Variants in C16orf87 observed in about 807,000 individuals in gnomAD.
C16orf87 encodes the protein UPF0547 protein C16orf87.
In C16orf87, 13 loss-of-function variants were observed where a neutral mutation model predicts 21.0. That is an observed-to-expected ratio of 0.62 (90% confidence interval 0.40 to 0.98). The LOEUF (loss-of-function observed/expected upper bound fraction) is 0.98, where lower values mean the gene tolerates loss of function less well. Ranked by LOEUF, C16orf87 falls within the 50% of genes least tolerant of loss-of-function variation. The pLI is 0.00. For synonymous variants in C16orf87, 49 were observed against 60.2 expected (o/e 0.81, Z 0.86); for missense variants, 113 against 180.4 (o/e 0.63, Z 2.14).
intron 3 of C16orf87, among the ~76,000 whole-genome samples, chr16:46,807,305 G>C (rs1482923093): frequency 6.6e-6 from 1 of 151,924 alleles, no homozygotes; most frequent in East Asian, 1.9e-4. Flanking sequence ...GCCTGGTGTG[G>C]TGGCATGCAC....
At chr16:46,808,254 T>C (rs534926232) in intron 3 of C16orf87, 5 of 368,870 alleles carry the variant, frequency 1.4e-5, no homozygotes, top group South Asian at 1.1e-4. Flanking sequence ...ACAGCCTTCC[T>C]AGAATACAGT....
chr16:46,814,190 A>G (rs1030099794), intron 2 of C16orf87, among the ~76,000 whole-genome samples: 8 of 152,220 alleles, frequency 5.3e-5, no homozygotes, highest in African/African-American at 2.4e-5. Context: ...AATAAACTAC[A>G]ATCCAAAAAT....
rs1447177787 is a variant in C16orf87, at chr16:46,802,860, A to T, written c.*92T>A. On this transcript the variant is annotated 3_prime_UTR_variant, in exon 4 of 4. Coordinates refer to ENST00000285697, the MANE Select transcript of C16orf87 (RefSeq NM_001001436.4). ...AAGAAACAATCGATGGCCCTTATTG[A>T]TGCAGTCAGAATGCTCCTGAGAGTC... is the stretch of plus-strand genomic sequence containing the variant. The T allele has an allele frequency of 7.2e-6, 5 of 698,816 alleles. No homozygotes were observed. The Admixed American group carries it at 1.1e-4, about 16-fold the overall frequency. The allele number at this position is 698,816 out of a possible 1,614,324, so 43.3% of individuals were successfully genotyped here.
At chr16:46,808,006 T>C (rs549276719) in intron 3 of C16orf87, 8 of 455,868 alleles carry the variant, frequency 1.8e-5, no homozygotes, top group Non-Finnish European at 3.1e-5. Context: ...GCATTCCCTC[T>C]ATTTCAACTG....
chr16:46,822,273 G>C (rs1959445148), intron 2 of C16orf87, among the ~76,000 whole-genome samples: 1 of 151,944 alleles, frequency 6.6e-6, no homozygotes, highest in Admixed American at 6.6e-5. Context: ...TGAATCACTG[G>C]TACATAAAAG....
At position 46,800,892 on chromosome 16, in the gene C16orf87, T is replaced by G. The variant is rs533594202; in HGVS notation, c.*2060A>C. On this transcript the variant is annotated 3_prime_UTR_variant, in exon 4 of 4. Transcript: ENST00000285697. ...TAAATAAGCCAATAATTTAACATTA[T>G]GAGATCTGAAGTAATTACTTTTCTA... The G allele has an allele frequency of 6.6e-6, 1 of 152,292 alleles. No homozygotes were observed. The highest frequency in any genetic ancestry group is 2.1e-4 in the South Asian group (1 of 4,824). The allele number at this position is 152,292 out of a possible 1,614,324, so 9.4% of individuals were successfully genotyped here.
chr16:46,830,935 G>A (rs1266497778), intron 1 of C16orf87, 149 bp downstream of exon 1: 3 of 465,160 alleles, frequency 6.4e-6, no homozygotes, highest in South Asian at 4.8e-5. Context: ...CCTCGGTGCA[G>A]CCCGACCGGC....
intron 1 of C16orf87, among the ~76,000 whole-genome samples, chr16:46,829,068 T>C (rs1457732759): frequency 6.6e-6 from 1 of 152,118 alleles, no homozygotes; most frequent in Non-Finnish European, 1.5e-5. Context: ...GTGATGGTAT[T>C]TGGAGATGGG....
intron 2 of C16orf87, among the ~76,000 whole-genome samples, chr16:46,813,869 T>C (rs1446597850): frequency 6.6e-6 from 1 of 152,242 alleles, no homozygotes; most frequent in Non-Finnish European, 1.5e-5. Context: ...TATTTACTTA[T>C]ATGCTCAATG....
In C16orf87 at chr16:46,802,911, G is replaced by T. The variant is rs981844601; in HGVS notation, c.*41C>A. On this transcript the variant is annotated 3_prime_UTR_variant, in exon 4 of 4. Coordinates refer to ENST00000285697, the MANE Select transcript of C16orf87 (RefSeq NM_001001436.4). ...CATAACTGTTTGAGAATTTGCTGAT[G>T]TTATCCTGACAGAAGTTTCAGCAGA... The T allele has an allele frequency of 7.4e-6, 7 of 944,644 alleles. No homozygotes were observed. 58.5% of individuals were successfully genotyped at this position (944,644 alleles called of 1,614,324 possible). A position where few individuals can be genotyped will look rare whatever the true frequency, so the allele number is the denominator to read the frequency against.
rs941648862 is a variant in C16orf87, at chr16:46,798,104, G to A, written c.*4848C>T. 6 of 151,988 alleles carry A rather than the reference G, an allele frequency of 3.9e-5. No individual in the cohort carries two copies. The highest frequency in any genetic ancestry group is 4.2e-4 in the South Asian group (2 of 4,814). The allele number at this position is 151,988 out of a possible 1,614,324, so 9.4% of individuals were successfully genotyped here. A position where few individuals can be genotyped will look rare whatever the true frequency, so the allele number is the denominator to read the frequency against. On this transcript the variant is annotated 3_prime_UTR_variant, in exon 4 of 4. Transcript: ENST00000285697. ...TTTAAAATCAATGATCTGAGCTTCC[G>A]CCACAATAAGCTAGAAAAGGGAGCA...
chr16:46,828,121 G>C (rs971241373), intron 1 of C16orf87, among the ~76,000 whole-genome samples: 2 of 151,126 alleles, frequency 1.3e-5, no homozygotes, highest in African/African-American at 4.9e-5. Context: ...GTAGAGACAG[G>C]GTTTCACCGT....
Position 46,796,678 on chromosome 16 carries a change from T to C in C16orf87, c.*6274A>G, listed in dbSNP as rs1967614603. 2 of 152,156 alleles carry C rather than the reference T, an allele frequency of 1.3e-5. No homozygotes were observed. The highest frequency in any genetic ancestry group is 4.1e-4 in the South Asian group (2 of 4,826). 9.4% of individuals were successfully genotyped at this position (152,156 alleles called of 1,614,324 possible). On this transcript the variant is annotated 3_prime_UTR_variant, in exon 4 of 4. Coordinates refer to ENST00000285697, the MANE Select transcript of C16orf87 (RefSeq NM_001001436.4). ...TATTGAAACATCATGCTGCATACAA[T>C]ATATGATTTTGTTAACTGAAATGAT...
intron 2 of C16orf87, among the ~76,000 whole-genome samples, chr16:46,814,554 C>A (rs568092040): frequency 2.0e-5 from 3 of 152,312 alleles, no homozygotes; most frequent in African/African-American, 7.2e-5. Context: ...TGCCTGCTCA[C>A]CTCCTGCCAC....
chr16:46,822,576 G>C (rs886825240), intron 2 of C16orf87, among the ~76,000 whole-genome samples: 1 of 152,204 alleles, frequency 6.6e-6, no homozygotes, highest in African/African-American at 2.4e-5. Flanking sequence ...AACTGAAACA[G>C]TGACAGAAAT....
intron 3 of C16orf87, among the ~76,000 whole-genome samples, chr16:46,806,326 C>T (rs1967927339): frequency 1.3e-5 from 2 of 149,294 alleles, no homozygotes; most frequent in African/African-American, 5.0e-5. Context: ...GACGCGATCT[C>T]AGCTCACTGC....
At chr16:46,814,545 G>A (rs931656845) in intron 2 of C16orf87, among the ~76,000 whole-genome samples, 10 of 152,174 alleles carry the variant, frequency 6.6e-5, no homozygotes, top group African/African-American at 2.4e-4. Context: ...CCAGTGTACT[G>A]CCTGCTCACC....
intron 2 of C16orf87, among the ~76,000 whole-genome samples, chr16:46,814,696 CATT>C (rs1479625135): frequency 6.6e-6 from 1 of 152,118 alleles, no homozygotes; most frequent in African/African-American, 2.4e-5. Context: ...GTCAATTAAA[CATT>C]ACTAGCTATA....
At chr16:46,829,079 C>T (rs151173165) in intron 1 of C16orf87, among the ~76,000 whole-genome samples, 100 of 152,006 alleles carry the variant, frequency 6.6e-4, no homozygotes, top group African/African-American at 2.4e-3. Flanking sequence ...TGGAGATGGG[C>T]CATTTGAGAG....
Sources: allele counts gnomAD v4.1 joint callset (sites outside exome capture counted in the v4.1 genomes callset), GRCh38; gene constraint gnomAD v4.1.1; transcripts MANE v1.5; gene names NCBI Gene and HGNC (gene_info 2026-07-23, HGNC 2026-07-21).